Variants in C2orf42 observed in about 807,000 individuals in gnomAD.
The protein encoded by C2orf42 is chromosome 2 open reading frame 42.
Under a neutral mutation model 58.9 loss-of-function variants are expected in C2orf42, and 44 were observed. The ratio of observed to expected loss-of-function variants is 0.75; its 90% CI spans 0.59 to 0.96. The LOEUF (loss-of-function observed/expected upper bound fraction) is 0.96. C2orf42 is among the 40% of genes least tolerant of loss of function. The pLI is 0.00. For synonymous variants in C2orf42, 239 were observed against 265.4 expected (o/e 0.90, Z 0.97); for missense variants, 630 against 699.2 (o/e 0.90, Z 1.12).
chr2:70,176,875 C>A (rs962489759), intron 4 of C2orf42, among the ~76,000 whole-genome samples: 1 of 152,060 alleles, frequency 6.6e-6, no homozygotes, highest in African/African-American at 2.4e-5. Context: ...AGTGGTTAAC[C>A]CTTAGTTGTT....
intron 4 of C2orf42, among the ~76,000 whole-genome samples, chr2:70,178,354 C>T (rs1476082983): frequency 1.3e-5 from 2 of 152,152 alleles, no homozygotes; most frequent in African/African-American, 4.8e-5. Flanking sequence ...CACCTGTAAT[C>T]CCAGCACTTT....
At position 70,163,185 on chromosome 2, in the gene C2orf42, T is replaced by C. The variant is rs552309107; in HGVS notation, c.1353+1907A>G. Among the ~76,000 whole-genome samples the C allele has an allele frequency of 2.3e-4, 35 of 151,518 alleles. No homozygotes were observed. In the East Asian group the frequency reaches 6.7e-3, roughly 29 times the overall value. On this transcript the variant is annotated intron_variant, in intron 8 of 9. Coordinates refer to ENST00000264434, the MANE Select transcript of C2orf42 (RefSeq NM_017880.3). ...GCGCGGCCTGAATTTTCTACATAATTCTATTACTGTAGGAAAAAAAACTCC... is the reference window on the plus strand; with the variant it reads ...GCGCGGCCTGAATTTTCTACATAATCCTATTACTGTAGGAAAAAAAACTCC...
In C2orf42 at chr2:70,183,175, C is replaced by T. The variant is rs566429258; in HGVS notation, c.-281-240G>A. 1.6e-3 allele frequency among the ~76,000 whole-genome samples: 242 copies of T among 152,224 alleles called. 4 individuals carry two copies. Among genetic ancestry groups the T allele is most frequent in the Non-Finnish European group, 2.9e-3 (199 of 68,032 alleles). The stretch of plus-strand genomic sequence containing the variant: ...TTTAGAGGTCTGGCATGGTGGCTCA[C>T]TCCTGTAATCCCAGAGATTTAGGAA... On this transcript the variant is annotated intron_variant, in intron 1 of 9. Transcript: ENST00000264434.
intron 5 of C2orf42, among the ~76,000 whole-genome samples, chr2:70,173,295 A>AT (rs1673956841): frequency 9.9e-6 from 1 of 101,382 alleles, no homozygotes; most frequent in African/African-American, 5.0e-5. Context: ...TTTTTTTGAG[A>AT]CGGAGTCTCA....
intron 3 of C2orf42, 136 bp from the exon 4 acceptor site, chr2:70,179,778 A>C: frequency 2.3e-6 from 1 of 434,010 alleles, no homozygotes; most frequent in Non-Finnish European, 4.2e-6. Context: ...ACATAGGCAG[A>C]CCCCAACTCT....
intron 1 of C2orf42, chr2:70,190,480 C>A (rs767193025): frequency 3.3e-5 from 5 of 152,234 alleles, no homozygotes; most frequent in African/African-American, 1.2e-4. Flanking sequence ...TGTTACCCAT[C>A]TTAGAGATGA....
chr2:70,181,138 T>TA, intron 3 of C2orf42, 25 bp downstream of exon 3: 1 of 1,389,002 alleles, frequency 7.2e-7, no homozygotes, highest in Non-Finnish European at 9.8e-7. Flanking sequence ...AAAAACGTAA[T>TA]AACCACATCA....
In C2orf42 at chr2:70,175,710, C is replaced by T; in HGVS notation, c.1002G>A (p.Leu334=). The change falls in exon 5 of 10, where the codon CTG becomes CTA. Residue 334 remains leucine, a synonymous_variant. Transcript: ENST00000264434. ...ACGAGGAAGCAACCACAGGCTTTTT[C>T]AGGCCACTTTTCCTTAGATTACTGC... ...AVSSNLRKSG[L]KKPVVASSLK... 6.2e-7 allele frequency: 1 copy of T among 1,613,510 alleles called. No homozygotes were observed. Among genetic ancestry groups the T allele is most frequent in the Non-Finnish European group, 8.5e-7 (1 of 1,179,476 alleles).
intron 4 of C2orf42, 35 bp downstream of exon 4, chr2:70,179,497 G>A (rs1294308824): frequency 2.5e-6 from 2 of 801,298 alleles, no homozygotes; most frequent in African/African-American, 3.4e-5. Flanking sequence ...AATCTCTAAA[G>A]ACAATACCAC....
At chr2:70,185,281 G>A (rs185236733) in intron 1 of C2orf42, among the ~76,000 whole-genome samples, 4 of 151,870 alleles carry the variant, frequency 2.6e-5, no homozygotes, top group East Asian at 1.9e-4. Flanking sequence ...GGTGGTGCAC[G>A]TCTGTAATCC....
In C2orf42 at chr2:70,150,305, G is replaced by C. The variant is rs765438068; in HGVS notation, c.*51C>G. The stretch of plus-strand genomic sequence containing the variant: ...CCTAACTAGCATTTAAAGTTGTCAA[G>C]GGGTGGGGATGTGCAAATTAAGCAG... On this transcript the variant is annotated 3_prime_UTR_variant, in exon 10 of 10. Transcript: ENST00000264434. 2 of 1,503,442 alleles carry C rather than the reference G, an allele frequency of 1.3e-6. No individual in the cohort carries two copies. The highest frequency in any genetic ancestry group is 4.5e-5 in the East Asian group (2 of 44,272). The allele number at this position is 1,503,442 out of a possible 1,614,324, so 93.1% of individuals were successfully genotyped here. A position where few individuals can be genotyped will look rare whatever the true frequency, so the allele number is the denominator to read the frequency against.
intron 5 of C2orf42, 95 bp downstream of exon 5, chr2:70,175,578 A>G: frequency 2.5e-6 from 2 of 789,972 alleles, no homozygotes; most frequent in African/African-American, 1.7e-5. Flanking sequence ...TTATGCTGGG[A>G]CTCTTTGGGT....
chr2:70,172,683 C>T (rs1412474898), intron 5 of C2orf42, among the ~76,000 whole-genome samples: 1 of 151,856 alleles, frequency 6.6e-6, no homozygotes, highest in African/African-American at 2.4e-5. Flanking sequence ...AAGAAAAACA[C>T]AACAAAAAAA....
At chr2:70,172,165 A>G (rs1382507159) in intron 5 of C2orf42, among the ~76,000 whole-genome samples, 1 of 148,390 alleles carries the variant, frequency 6.7e-6, no homozygotes, top group Non-Finnish European at 1.5e-5. Context: ...CGGAGGTTGC[A>G]GTGAGCTGAG....
intron 1 of C2orf42, among the ~76,000 whole-genome samples, chr2:70,185,724 T>C (rs1241859005): frequency 6.6e-6 from 1 of 150,786 alleles, no homozygotes; most frequent in Non-Finnish European, 1.5e-5. Flanking sequence ...AAAAAAAATA[T>C]ATATATATAC....
At position 70,182,941 on chromosome 2, in the gene C2orf42, A is replaced by G. The variant is rs1289263686; in HGVS notation, c.-281-6T>C. 6.6e-6 allele frequency: 1 copy of G among 152,176 alleles called. No homozygotes were observed. The highest frequency in any genetic ancestry group is 1.5e-5 in the Non-Finnish European group (1 of 68,042). 9.4% of individuals were successfully genotyped at this position (152,176 alleles called of 1,614,324 possible). The stretch of plus-strand genomic sequence containing the variant: ...TAAGTGGAGATCTTGATAGTCTGCG[A>G]GTAAAACAAGAAAAAATATTAAAGT... On this transcript the variant is annotated splice_polypyrimidine_tract_variant and splice_region_variant and intron_variant, in intron 1 of 9. Coordinates refer to ENST00000264434, the MANE Select transcript of C2orf42 (RefSeq NM_017880.3).
At chr2:70,175,280 A>T (rs997450693) in intron 5 of C2orf42, among the ~76,000 whole-genome samples, 3 of 152,138 alleles carry the variant, frequency 2.0e-5, no homozygotes, top group African/African-American at 2.4e-5. Flanking sequence ...CAGGTTATTA[A>T]GCCTAGTATC....
intron 5 of C2orf42, among the ~76,000 whole-genome samples, chr2:70,170,897 T>C (rs546761944): frequency 3.6e-4 from 54 of 151,956 alleles, no homozygotes; most frequent in African/African-American, 1.3e-3. Context: ...GGGTGGATCA[T>C]GAGGTCAGGA....
intron 9 of C2orf42, among the ~76,000 whole-genome samples, chr2:70,155,010 C>T (rs1406214003): frequency 1.3e-5 from 2 of 151,962 alleles, no homozygotes; most frequent in African/African-American, 4.8e-5. Flanking sequence ...CTTTGGGAGG[C>T]CAAGGCGGGC....
Sources: allele counts gnomAD v4.1 joint callset (sites outside exome capture counted in the v4.1 genomes callset), GRCh38; gene constraint gnomAD v4.1.1; transcripts MANE v1.5; gene names NCBI Gene and HGNC (gene_info 2026-07-23, HGNC 2026-07-21).